Variants in ERAP1 observed in about 807,000 individuals in gnomAD.
ERAP1 encodes endoplasmic reticulum aminopeptidase 1.
A neutral mutation model predicts 103.7 loss-of-function variants in ERAP1; 86 were observed. The ratio of observed to expected loss-of-function variants is 0.83; its 90% CI spans 0.70 to 0.99. ERAP1 has a LOEUF of 0.99. ERAP1 is among the 50% of genes least tolerant of loss of function. The probability of loss-of-function intolerance (pLI) is 0.00; values close to 1 mark genes in which losing one functional copy is unlikely to be tolerated. For synonymous variants in ERAP1, 398 were observed against 402.4 expected (o/e 0.99, Z 0.13); for missense variants, 1,009 against 1,128.4 (o/e 0.89, Z 1.52).
the ERAP1 span, among the ~76,000 whole-genome samples, chr5:96,917,002 G>A: frequency 6.6e-6 from 1 of 152,168 alleles, no homozygotes; most frequent in Non-Finnish European, 1.5e-5. Context: ...GAACAATTAT[G>A]CAGAAAAGTA....
chr5:96,916,725 C>T, the ERAP1 span, among the ~76,000 whole-genome samples: 890 of 151,616 alleles, frequency 5.9e-3, 16 homozygotes, highest in African/African-American at 0.02. Context: ...ACTTTGGCCT[C>T]CCGAAGTGCT....
At chr5:96,780,372 G>C (rs1359163631) in intron 18 of ERAP1, 51 bp downstream of exon 18, 2 of 1,321,956 alleles carry the variant, frequency 1.5e-6, no homozygotes, top group Non-Finnish European at 2.1e-6. Context: ...ATATTAATTA[G>C]CTAATTTTCA....
rs748194817 is a variant in ERAP1, at chr5:96,774,716, A to ATAGTT, written c.*1675_*1679dup. 22 of 982,994 alleles carry ATAGTT rather than the reference A, an allele frequency of 2.2e-5. No individual in the cohort carries two copies. The African/African-American group carries it at 3.8e-4, about 17-fold the overall frequency. The allele number at this position is 982,994 out of a possible 1,614,324, so 60.9% of individuals were successfully genotyped here. A position where few individuals can be genotyped will look rare whatever the true frequency, so the allele number is the denominator to read the frequency against. The stretch of plus-strand genomic sequence containing the variant: ...TGTGTATTTTTTTAAAAGAAGGGAA[A>ATAGTT]TAGTTTAGTTTGGGGTGGAAATTAC... On this transcript the variant is annotated 3_prime_UTR_variant, in exon 19 of 19. Transcript: ENST00000443439.
At chr5:96,847,825 C>G in the ERAP1 span, among the ~76,000 whole-genome samples, 1 of 152,250 alleles carries the variant, frequency 6.6e-6, no homozygotes, top group Non-Finnish European at 1.5e-5. Flanking sequence ...AAAAGCAATT[C>G]TAACAGAGAA....
rs1403451980 is a variant in ERAP1, at chr5:96,775,072, A to G, written c.*1324T>C. ...AATCAAGTCAGCAACAGAGCACACT[A>G]TGGGTTAGATAAGTCCCTGTGTAGC... On this transcript the variant is annotated 3_prime_UTR_variant, in exon 19 of 19. Transcript: ENST00000443439. The G allele has an allele frequency of 6.1e-6, 6 of 985,562 alleles. No homozygotes were observed. Among genetic ancestry groups the G allele is most frequent in the Non-Finnish European group, 7.2e-6 (6 of 829,918 alleles). 61.1% of individuals were successfully genotyped at this position (985,562 alleles called of 1,614,324 possible).
chr5:96,862,283 C>T, the ERAP1 span, among the ~76,000 whole-genome samples: 1 of 152,192 alleles, frequency 6.6e-6, no homozygotes, highest in South Asian at 2.1e-4. Flanking sequence ...GCCACCCTGC[C>T]CAGTCTAAAT....
At chr5:96,790,683 T>C (rs887177011) in intron 8 of ERAP1, 40 bp from the exon 9 acceptor site, 12 of 1,564,756 alleles carry the variant, frequency 7.7e-6, no homozygotes, top group Admixed American at 5.1e-5. Context: ...TATAGTTTCA[T>C]TGCAGTCTCA....
At chr5:96,818,727 T>G in the ERAP1 span, among the ~76,000 whole-genome samples, 133 of 152,142 alleles carry the variant, frequency 8.7e-4, no homozygotes, top group Non-Finnish European at 1.5e-3. Context: ...GCGTTTAATT[T>G]TAAGAGTTGT....
chr5:96,909,661 C>T, the ERAP1 span: 5,352 of 1,614,168 alleles, frequency 3.3e-3, 34 homozygotes, highest in South Asian at 0.016. Flanking sequence ...CAGGATGCTC[C>T]GCTCGGCTCT....
chr5:96,799,133 C>T lies in ERAP1; in HGVS notation c.663+1729G>A, dbSNP rs538415796. ...CACCTGCCTCAGCCTCCCAAAGTGC[C>T]GAGATTACAGTCATGAGCCACCACA... On this transcript the variant is annotated intron_variant, in intron 3 of 18. Transcript: ENST00000443439. 1.2e-3 allele frequency among the ~76,000 whole-genome samples: 176 copies of T among 151,876 alleles called. 1 individual carries two copies. Among genetic ancestry groups the T allele is most frequent in the African/African-American group, 4.0e-3 (166 of 41,432 alleles).
the ERAP1 span, among the ~76,000 whole-genome samples, chr5:96,921,687 G>C: frequency 6.6e-6 from 1 of 152,116 alleles, no homozygotes; most frequent in Admixed American, 6.5e-5. Context: ...CAGGAAACTG[G>C]TTTTCTATTC....
At chr5:96,819,909 G>A in the ERAP1 span, among the ~76,000 whole-genome samples, 1 of 152,166 alleles carries the variant, frequency 6.6e-6, no homozygotes, top group Non-Finnish European at 1.5e-5. Context: ...GACTATTTGG[G>A]TGTGACCTGA....
At position 96,776,242 on chromosome 5, in the gene ERAP1, T is replaced by TAACA. The variant is rs758371874; in HGVS notation, c.*150_*153dup. The stretch of plus-strand genomic sequence containing the variant: ...TAGCGATAGCCCATTCATGAAAAAC[T>TAACA]AACAGCTATTCTTTTCACAGGGATA... On this transcript the variant is annotated 3_prime_UTR_variant, in exon 19 of 19. Transcript: ENST00000443439. 11 of 1,017,010 alleles carry TAACA rather than the reference T, an allele frequency of 1.1e-5. No individual in the cohort carries two copies. Among genetic ancestry groups the TAACA allele is most frequent in the Non-Finnish European group, 1.4e-5 (10 of 717,220 alleles). The allele number at this position is 1,017,010 out of a possible 1,614,324, so 63.0% of individuals were successfully genotyped here.
the ERAP1 span, chr5:96,908,937 A>C: frequency 6.9e-6 from 11 of 1,604,010 alleles, no homozygotes; most frequent in East Asian, 2.0e-4. Flanking sequence ...TGCACAAACC[A>C]CTGACATTTG....
intron 1 of ERAP1, chr5:96,804,371 C>G (rs1360531541): frequency 3.4e-6 from 1 of 294,774 alleles, no homozygotes; most frequent in African/African-American, 2.2e-5. Flanking sequence ...AACATCTGAT[C>G]AAGCACCACT....
intron 19 of ERAP1, chr5:96,768,088 T>A: frequency 1.1e-6 from 1 of 875,500 alleles, no homozygotes; most frequent in Non-Finnish European, 1.9e-6. Flanking sequence ...TTGATCTATC[T>A]ATCGGTCTGT....
upstream of ERAP1, among the ~76,000 whole-genome samples, chr5:96,808,905 G>A (rs1778976561): frequency 6.6e-6 from 1 of 152,196 alleles, no homozygotes; most frequent in Non-Finnish European, 1.5e-5. Flanking sequence ...GGAGTCCATG[G>A]AGTAAAGTGA....
chr5:96,772,545 T>A (rs1772828560), downstream of ERAP1: 1 of 152,790 alleles, frequency 6.5e-6, no homozygotes, highest in Non-Finnish European at 1.5e-5. Flanking sequence ...CTGTCTGTTA[T>A]ACAATGCTTT....
chr5:96,775,140 A>AACTG lies in ERAP1; in HGVS notation c.*1252_*1255dup. On this transcript the variant is annotated 3_prime_UTR_variant, in exon 19 of 19. Transcript: ENST00000443439. The stretch of plus-strand genomic sequence containing the variant: ...AATAAAATCTAATTCTTAGGGTATT[A>AACTG]ACTGACTTGACTTGAACTCCGTTGG... The AACTG allele has an allele frequency of 6.1e-6, 6 of 985,532 alleles. No homozygotes were observed. Among genetic ancestry groups the AACTG allele is most frequent in the Non-Finnish European group, 7.2e-6 (6 of 829,924 alleles). 61.0% of individuals were successfully genotyped at this position (985,532 alleles called of 1,614,324 possible).
Sources: gnomAD v4.1 joint callset for allele counts (sites outside exome capture counted in the v4.1 genomes callset) on GRCh38, gnomAD v4.1.1 for gene constraint, MANE v1.5 for transcripts, NCBI Gene and HGNC (gene_info 2026-07-23, HGNC 2026-07-21) for gene names.